The following ADGRB3 variants were observed in gnomAD, a reference collection of about 807,000 sequenced individuals.
ADGRB3 encodes brain-specific angiogenesis inhibitor 3.
In ADGRB3, 37 loss-of-function variants were observed where a neutral mutation model predicts 193.4. The ratio of observed to expected loss-of-function variants is 0.19; its 90% CI spans 0.15 to 0.25. The LOEUF is 0.25. ADGRB3 is among the 10% of genes least tolerant of loss of function. The pLI is 1.00. For synonymous variants in ADGRB3, 690 were observed against 644.2 expected, an observed-to-expected ratio of 1.07 and a Z score of -1.08; for missense variants, 1,637 against 1,852.9, an observed-to-expected ratio of 0.88 and a Z score of 2.14.
chr6:69,252,616 T>G (rs1766647833), intron 20 of ADGRB3, among the ~76,000 whole-genome samples: 1 of 152,096 alleles, frequency 6.6e-6, no homozygotes, highest in African/African-American at 2.4e-5. Flanking sequence ...GTTTAGCACC[T>G]TTTCATGTCC....
intron 20 of ADGRB3, among the ~76,000 whole-genome samples, chr6:69,241,276 A>G (rs997235683): frequency 6.6e-6 from 1 of 151,948 alleles, no homozygotes; most frequent in African/African-American, 2.4e-5. Flanking sequence ...AAAAATTTAA[A>G]AACCCGATGA....
intron 20 of ADGRB3, among the ~76,000 whole-genome samples, chr6:69,293,558 T>C (rs944496670): frequency 1.3e-5 from 2 of 152,172 alleles, no homozygotes; most frequent in Non-Finnish European, 2.9e-5. Context: ...GTTTCAGGCT[T>C]GTGGCCCATA....
intron 3 of ADGRB3, among the ~76,000 whole-genome samples, chr6:68,725,347 G>A (rs766983520): frequency 2.6e-5 from 4 of 151,636 alleles, no homozygotes; most frequent in Admixed American, 2.6e-4. Context: ...TGTAGAAAGA[G>A]AATCCAGGCA....
intron 8 of ADGRB3, among the ~76,000 whole-genome samples, chr6:68,967,910 G>T (rs1188842110): frequency 3.3e-5 from 5 of 151,956 alleles, no homozygotes; most frequent in Non-Finnish European, 5.9e-5. Context: ...GGAAGCGGGG[G>T]ATAGTCAAAG....
chr6:68,782,595 C>T (rs1284018246), intron 3 of ADGRB3, among the ~76,000 whole-genome samples: 43 of 152,060 alleles, frequency 2.8e-4, no homozygotes, highest in Middle Eastern at 3.4e-3. Context: ...ACCAACAGTG[C>T]AGAAGTGTTC....
intron 15 of ADGRB3, among the ~76,000 whole-genome samples, chr6:69,057,139 A>G (rs1771567888): frequency 6.6e-6 from 1 of 151,684 alleles, no homozygotes; most frequent in Non-Finnish European, 1.5e-5. Flanking sequence ...CTCATATTTT[A>G]TTTATTTTGA....
intron 3 of ADGRB3, among the ~76,000 whole-genome samples, chr6:68,736,382 A>G (rs1343539110): frequency 6.6e-6 from 1 of 152,178 alleles, no homozygotes; most frequent in Non-Finnish European, 1.5e-5. Context: ...GTAATAAAAT[A>G]TAATAAACTG....
intron 11 of ADGRB3, among the ~76,000 whole-genome samples, chr6:68,999,515 C>T (rs1209802643): frequency 1.3e-5 from 2 of 152,162 alleles, no homozygotes; most frequent in South Asian, 2.1e-4. Context: ...CTGCCCGCCT[C>T]AACCTCCCAA....
intron 21 of ADGRB3, among the ~76,000 whole-genome samples, chr6:69,325,996 G>T (rs1202009416): frequency 6.6e-6 from 1 of 152,122 alleles, no homozygotes; most frequent in Non-Finnish European, 1.5e-5. Flanking sequence ...CTGAGCGTGG[G>T]TGGACTACCT....
At chr6:69,077,387 C>T (rs904777644) in intron 17 of ADGRB3, among the ~76,000 whole-genome samples, 3 of 151,850 alleles carry the variant, frequency 2.0e-5, no homozygotes, top group Non-Finnish European at 4.4e-5. Context: ...ATCTTGAACT[C>T]CTGATTTTAG....
chr6:69,054,011 C>T (rs897552450), intron 15 of ADGRB3, among the ~76,000 whole-genome samples: 1 of 152,024 alleles, frequency 6.6e-6, no homozygotes, highest in Non-Finnish European at 1.5e-5. Context: ...AGCAGTATGT[C>T]GTTATCCTGT....
intron 3 of ADGRB3, among the ~76,000 whole-genome samples, chr6:68,702,212 G>C (rs1442076229): frequency 6.6e-6 from 1 of 150,780 alleles, no homozygotes; most frequent in African/African-American, 2.5e-5. Flanking sequence ...GCGAGAAAGA[G>C]AGAGAGAGAG....
intron 13 of ADGRB3, among the ~76,000 whole-genome samples, chr6:69,043,290 G>GAGAGAAAGAAAGA (rs1554252049): frequency 3.4e-5 from 3 of 88,032 alleles, no homozygotes; most frequent in African/African-American, 1.4e-4. Context: ...GGAAGAAAGA[G>GAGAGAAAGAAAGA]AGAAAGAAAG....
intron 12 of ADGRB3, among the ~76,000 whole-genome samples, chr6:69,017,962 T>C (rs951875470): frequency 6.6e-6 from 1 of 151,962 alleles, no homozygotes; most frequent in African/African-American, 2.4e-5. Flanking sequence ...ATGCAATAAC[T>C]TAATAGTTTG....
At chr6:69,144,876 G>GTTCT (rs1274168235) in intron 17 of ADGRB3, among the ~76,000 whole-genome samples, 6,751 of 139,334 alleles carry the variant, frequency 0.048, 253 homozygotes, top group East Asian at 0.15. Context: ...TTGTTTGAGT[G>GTTCT]TTCTTTCTTT....
intron 3 of ADGRB3, among the ~76,000 whole-genome samples, chr6:68,897,009 A>C (rs982027216): frequency 1.3e-5 from 2 of 152,170 alleles, no homozygotes; most frequent in Non-Finnish European, 2.9e-5. Context: ...GATCAATCTT[A>C]GACTTCAATC....
intron 3 of ADGRB3, among the ~76,000 whole-genome samples, chr6:68,687,511 A>G (rs1252308533): frequency 6.6e-6 from 1 of 152,136 alleles, no homozygotes; most frequent in African/African-American, 2.4e-5. Context: ...ATATTTTGCC[A>G]TGTATGTTTG....
chr6:69,175,093 G>A lies in ADGRB3; in HGVS notation c.2481-58197G>A, dbSNP rs568751659. 1.9e-3 allele frequency among the ~76,000 whole-genome samples: 292 copies of A among 152,178 alleles called. 4 individuals are homozygous for A. The highest frequency in any genetic ancestry group is 5.0e-3 in the Admixed American group (76 of 15,296). On this transcript the variant is annotated intron_variant, in intron 17 of 31. Coordinates refer to ENST00000370598, the MANE Select transcript of ADGRB3 (RefSeq NM_001704.3). ...CACTGTTGGTAGTTTCTACTGCTAT[G>A]CAGAAGCTCTTTAATTTAATTAGAA...
At chr6:68,799,675 C>G (rs2127370304) in intron 3 of ADGRB3, among the ~76,000 whole-genome samples, 1 of 152,056 alleles carries the variant, frequency 6.6e-6, no homozygotes, top group South Asian at 2.1e-4. Flanking sequence ...ATGGAGAAAA[C>G]TAAAGCACAT....
Sources: allele counts gnomAD v4.1 joint callset (sites outside exome capture counted in the v4.1 genomes callset), GRCh38; gene constraint gnomAD v4.1.1; transcripts MANE v1.5; gene names NCBI Gene and HGNC (gene_info 2026-07-23, HGNC 2026-07-21).